Variants in SCN7A observed in about 807,000 individuals in gnomAD.
SCN7A encodes the protein sodium voltage-gated channel alpha subunit 7.
Under a neutral mutation model 155.2 loss-of-function variants are expected in SCN7A, and 138 were observed. The ratio of observed to expected loss-of-function variants is 0.89; its 90% CI spans 0.77 to 1.02. The LOEUF (loss-of-function observed/expected upper bound fraction) is 1.02. Among genes scored for constraint, SCN7A ranks in the 50% least tolerant of loss-of-function variants. The probability of loss-of-function intolerance (pLI) is 0.00; values close to 1 mark genes in which losing one functional copy is unlikely to be tolerated. For missense variants in SCN7A, 2,058 were observed against 1,986.6 expected (o/e 1.04, Z -0.68); for synonymous variants, 693 against 649.0 (o/e 1.07, Z -1.03).
chr2:166,432,398 T>A lies in SCN7A; in HGVS notation c.2512A>T (p.Ile838Phe). 1 of 1,613,532 alleles carries A rather than the reference T, an allele frequency of 6.2e-7. No individual in the cohort carries two copies. Among genetic ancestry groups the A allele is most frequent in the Non-Finnish European group, 8.5e-7 (1 of 1,179,594 alleles). The part of the protein sequence containing the change: ...PSPSVSETVP[I>F]ASGESDIENL... ...TCTATATCAGATTCTCCTGAAGCAA[T>A]TGGTACAGTTTCTGAGACACTAGGA... The change falls in exon 16 of 26, where the codon ATT becomes TTT. Residue 838 changes from isoleucine (I) to phenylalanine (F), a missense_variant. Ile to Phe is a conservative substitution (Grantham distance 21, BLOSUM62 0). Transcript: ENST00000643258.
rs1021858404 is a variant in SCN7A, at chr2:166,404,760, A to T, written c.*820T>A. 18 of 142,336 alleles carry T rather than the reference A, an allele frequency of 1.3e-4. No individual in the cohort carries two copies. Among genetic ancestry groups the T allele is most frequent in the African/African-American group, 4.7e-4 (18 of 38,360 alleles). 8.8% of individuals were successfully genotyped at this position (142,336 alleles called of 1,614,324 possible). ...TAAAGCTTGAGTCTATTAACATGTT[A>T]TTTATTACATCATTTTAGTAAATGT... On this transcript the variant is annotated 3_prime_UTR_variant, in exon 26 of 26. Coordinates refer to ENST00000643258, the MANE Select transcript of SCN7A (RefSeq NM_002976.4).
Position 166,465,521 on chromosome 2 carries a change from G to A in SCN7A, c.882C>T (p.Asn294=), listed in dbSNP as rs762095367. ...ATCTTTCTCCTTCCAAATAATAAAAGTTTTCTGTTTCTGAAAAACAGGCAA... is the reference window on the plus strand; with the variant it reads ...ATCTTTCTCCTTCCAAATAATAAAAATTTTCTGTTTCTGAAAAACAGGCAA... ...GNPYYIRETE[N]FYYLEGERYA... Residue 294 remains asparagine (N), a synonymous_variant, in exon 9 of 26, where the codon AAC becomes AAT. Transcript: ENST00000643258. The A allele has an allele frequency of 6.3e-7, 1 of 1,598,564 alleles. No individual in the cohort carries two copies. The highest frequency in any genetic ancestry group is 1.1e-5 in the South Asian group (1 of 88,464).
At chr2:166,438,640 A>C (rs549566748) in intron 15 of SCN7A, among the ~76,000 whole-genome samples, 99 of 152,280 alleles carry the variant, frequency 6.5e-4, no homozygotes, top group African/African-American at 1.8e-3. Flanking sequence ...TAAAATGTGA[A>C]ATGTCTTCCT....
intron 12 of SCN7A, among the ~76,000 whole-genome samples, chr2:166,446,281 A>G (rs1160746342): frequency 6.6e-6 from 1 of 152,218 alleles, no homozygotes; most frequent in Non-Finnish European, 1.5e-5. Flanking sequence ...GCTCATCATC[A>G]CTAGTCATTA....
chr2:166,482,697 C>T (rs1255708523), intron 2 of SCN7A, among the ~76,000 whole-genome samples: 1 of 150,974 alleles, frequency 6.6e-6, no homozygotes. Flanking sequence ...AATCAAACTA[C>T]CCTGGGTTGT....
chr2:166,449,619 T>A (rs1559110659), intron 11 of SCN7A, among the ~76,000 whole-genome samples: 2 of 152,060 alleles, frequency 1.3e-5, no homozygotes, highest in Non-Finnish European at 2.9e-5. Flanking sequence ...TTCCTCTTTT[T>A]TTTCCAGTGG....
rs1050062028 is a variant in SCN7A, at chr2:166,458,914, A to G, written c.1084-1838T>C. Among the ~76,000 whole-genome samples, 18 of 152,292 alleles carry G rather than the reference A, an allele frequency of 1.2e-4. No homozygotes were observed. The East Asian group carries it at 3.5e-3, about 29-fold the overall frequency. ...ACATGACTGTATTTACATAGCATTT[A>G]CATTGTATTAGGTATTATGAGTAAT... is the stretch of plus-strand genomic sequence containing the variant. On this transcript the variant is annotated intron_variant, in intron 10 of 25. Transcript: ENST00000643258.
In SCN7A at chr2:166,404,972, T is replaced by C. The variant is rs915904276; in HGVS notation, c.*608A>G. 6.6e-6 allele frequency: 1 copy of C among 151,882 alleles called. No homozygotes were observed. Among genetic ancestry groups the C allele is most frequent in the Non-Finnish European group, 1.5e-5 (1 of 67,934 alleles). 9.4% of individuals were successfully genotyped at this position (151,882 alleles called of 1,614,324 possible). On this transcript the variant is annotated 3_prime_UTR_variant, in exon 26 of 26. Transcript: ENST00000643258. ...ACAATGAAATCCTATTCATTCCCAG[T>C]TCCAAATGAAAACAAGAACATACAA...
At chr2:166,442,411 CAG>C (rs1404056211) in intron 14 of SCN7A, among the ~76,000 whole-genome samples, 1 of 151,894 alleles carries the variant, frequency 6.6e-6, no homozygotes, top group Admixed American at 6.6e-5. Flanking sequence ...GTTTGTTTGA[CAG>C]AGTCTCTCTC....
At position 166,404,830 on chromosome 2, in the gene SCN7A, A is replaced by T. The variant is rs1337027531; in HGVS notation, c.*750T>A. ...GTGTAAATGAGAAGAAAATGAAAAA[A>T]AAAAAAAAAAAAAAGGCTATACCTC... is the stretch of plus-strand genomic sequence containing the variant. On this transcript the variant is annotated 3_prime_UTR_variant, in exon 26 of 26. Coordinates refer to ENST00000643258, the MANE Select transcript of SCN7A (RefSeq NM_002976.4). 3 of 150,102 alleles carry T rather than the reference A, an allele frequency of 2.0e-5. No homozygotes were observed. Among genetic ancestry groups the T allele is most frequent in the Non-Finnish European group, 3.0e-5 (2 of 67,376 alleles). 9.3% of individuals were successfully genotyped at this position (150,102 alleles called of 1,614,324 possible).
intron 11 of SCN7A, among the ~76,000 whole-genome samples, 169 bp downstream of exon 11, chr2:166,456,701 T>A (rs116704022): frequency 6.6e-6 from 1 of 151,996 alleles, no homozygotes; most frequent in African/African-American, 2.4e-5. Flanking sequence ...CCCCTGCTGT[T>A]TTTTGGAATC....
At position 166,405,621 on chromosome 2, in the gene SCN7A, C is replaced by T; in HGVS notation, c.5008G>A (p.Asp1670Asn). ...ATAGGTGACTTTTCCTTAGCTTTGTCAAAATAGGCACCTTCTTTAGTAGCA... is the reference window on the plus strand; with the variant it reads ...ATAGGTGACTTTTCCTTAGCTTTGTTAAAATAGGCACCTTCTTTAGTAGCA... ...VHATKEGAYF[D>N]KAKEKSPIQS... The change falls in exon 26 of 26, where the codon GAC becomes AAC. Residue 1670 changes from aspartate (D) to asparagine (N), a missense_variant. Asp to Asn is a conservative substitution (Grantham distance 23). Transcript: ENST00000643258. 2 of 1,604,028 alleles carry T rather than the reference C, an allele frequency of 1.2e-6. No homozygotes were observed. The highest frequency in any genetic ancestry group is 1.7e-6 in the Non-Finnish European group (2 of 1,175,566).
At position 166,405,824 on chromosome 2, in the gene SCN7A, C is replaced by A. The variant is rs1701057570; in HGVS notation, c.4805G>T (p.Gly1602Val). ...MEKVVSEIES[G>V]FLLANPFKIT... ...CTTAAAAGGGTTGGCTAACAAAAAC[C>A]CTGATTCTATTTCTGAAACAACTTT... The change falls in exon 26 of 26, where the codon GGG (glycine) becomes GTG (valine). Residue 1602 changes from glycine to valine, a missense_variant. Transcript: ENST00000643258. The A allele has an allele frequency of 1.9e-6, 3 of 1,613,028 alleles. No individual in the cohort carries two copies. The highest frequency in any genetic ancestry group is 1.7e-6 in the Non-Finnish European group (2 of 1,179,358).
intron 15 of SCN7A, 82 bp downstream of exon 15, chr2:166,441,314 G>T: frequency 2.1e-6 from 2 of 955,932 alleles, no homozygotes; most frequent in Non-Finnish European, 3.1e-6. Flanking sequence ...CAGACCATTA[G>T]ATCCCATCAA....
At chr2:166,427,694 TG>T in intron 18 of SCN7A, 93 bp downstream of exon 18, 1 of 1,148,940 alleles carries the variant, frequency 8.7e-7, no homozygotes, top group Non-Finnish European at 1.2e-6. Flanking sequence ...TAAATATCCT[TG>T]GAAATGTAAT....
At chr2:166,478,646 T>C (rs1406403532) in intron 2 of SCN7A, among the ~76,000 whole-genome samples, 1 of 151,978 alleles carries the variant, frequency 6.6e-6, no homozygotes, top group Non-Finnish European at 1.5e-5. Context: ...ACTGATGGCA[T>C]TTTTCTCTCT....
chr2:166,423,175 T>C (rs994209829), intron 19 of SCN7A, 84 bp downstream of exon 19: 52 of 1,340,240 alleles, frequency 3.9e-5, no homozygotes, highest in Admixed American at 9.4e-5. Flanking sequence ...AGGAAAGATA[T>C]AACAAACTGA....
intron 9 of SCN7A, among the ~76,000 whole-genome samples, chr2:166,464,490 C>T (rs1303135669): frequency 6.6e-6 from 1 of 152,118 alleles, no homozygotes; most frequent in East Asian, 1.9e-4. Context: ...TGAGACATGA[C>T]AGTTATGTCA....
chr2:166,441,854 T>C, intron 14 of SCN7A, 102 bp from the exon 15 acceptor site: 1 of 765,456 alleles, frequency 1.3e-6, no homozygotes, highest in Non-Finnish European at 2.1e-6. Context: ...ATATATAGCC[T>C]TTAGAGTTTT....
Sources: gnomAD v4.1 joint callset for allele counts (sites outside exome capture counted in the v4.1 genomes callset) on GRCh38, gnomAD v4.1.1 for gene constraint, MANE v1.5 for transcripts, NCBI Gene and HGNC (gene_info 2026-07-23, HGNC 2026-07-21) for gene names.